CCBE1: variants seen among roughly 807,000 people sequenced by gnomAD.
CCBE1 encodes the protein collagen and calcium-binding EGF domain-containing protein 1.
Under a neutral mutation model 50.0 loss-of-function variants are expected in CCBE1, and 37 were observed. That is an observed-to-expected ratio of 0.74 (90% confidence interval 0.57 to 0.97). The LOEUF (loss-of-function observed/expected upper bound fraction) is 0.97, where lower values mean the gene tolerates loss of function less well. CCBE1 is among the 50% of genes least tolerant of loss of function. CCBE1 has a pLI of 0.00. For synonymous variants in CCBE1, 234 were observed against 203.7 expected (o/e 1.15, Z -1.27); for missense variants, 538 against 523.8 (o/e 1.03, Z -0.26).
At chr18:59,446,925 C>T (rs1350045682) in intron 7 of CCBE1, among the ~76,000 whole-genome samples, 2 of 152,206 alleles carry the variant, frequency 1.3e-5, no homozygotes, top group African/African-American at 4.8e-5. Context: ...AGGGATAAGG[C>T]ACTCAAAGGT....
chr18:59,677,027 A>G (rs1359844188), intron 2 of CCBE1, among the ~76,000 whole-genome samples: 16 of 152,166 alleles, frequency 1.1e-4, no homozygotes. Context: ...GGTAAGGAAT[A>G]TGGATTTTGT....
At chr18:59,656,717 G>A (rs1315696167) in intron 2 of CCBE1, among the ~76,000 whole-genome samples, 2 of 152,188 alleles carry the variant, frequency 1.3e-5, no homozygotes, top group Non-Finnish European at 2.9e-5. Context: ...GTAAACACAA[G>A]ACTTATTTTG....
chr18:59,496,484 T>C lies in CCBE1; in HGVS notation c.213-16246A>G, dbSNP rs117784904. Among the ~76,000 whole-genome samples, 480 of 152,234 alleles carry C rather than the reference T, an allele frequency of 3.2e-3. 5 individuals carry two copies. The highest frequency in any genetic ancestry group is 0.024 in the East Asian group (124 of 5,186). ...CTGTCTCCTTTGCTGTATTACAGGG[T>C]ATAGAAGGAATTAGGGATTGACAGG... On this transcript the variant is annotated intron_variant, in intron 2 of 10. Coordinates refer to ENST00000439986, the MANE Select transcript of CCBE1 (RefSeq NM_133459.4).
intron 2 of CCBE1, among the ~76,000 whole-genome samples, chr18:59,559,878 C>T (rs1045916152): frequency 1.3e-5 from 2 of 152,212 alleles, no homozygotes; most frequent in East Asian, 1.9e-4. Flanking sequence ...GGCAGCTGTA[C>T]TCTCTGTCAT....
chr18:59,627,059 A>C (rs1217898934), intron 2 of CCBE1, among the ~76,000 whole-genome samples: 1 of 152,146 alleles, frequency 6.6e-6, no homozygotes, highest in Non-Finnish European at 1.5e-5. Flanking sequence ...TTTCCTTATC[A>C]CTACTCTTTT....
chr18:59,603,515 G>A (rs916858179), intron 2 of CCBE1, among the ~76,000 whole-genome samples: 1 of 152,056 alleles, frequency 6.6e-6, no homozygotes, highest in Admixed American at 6.5e-5. Context: ...ATACCTCCCT[G>A]CTTCAAGACC....
At chr18:59,467,446 G>C (rs1911805061) in intron 4 of CCBE1, among the ~76,000 whole-genome samples, 1 of 152,116 alleles carries the variant, frequency 6.6e-6, no homozygotes, top group Non-Finnish European at 1.5e-5. Flanking sequence ...TCTAATAAAA[G>C]AAAATAGTCA....
intron 2 of CCBE1, among the ~76,000 whole-genome samples, chr18:59,688,836 T>A (rs1037878976): frequency 5.9e-5 from 9 of 152,150 alleles, no homozygotes; most frequent in Non-Finnish European, 1.3e-4. Context: ...AATAAGGTGA[T>A]ACACAGGTAA....
At chr18:59,692,943 T>G (rs950010891) in intron 2 of CCBE1, among the ~76,000 whole-genome samples, 1 of 139,066 alleles carries the variant, frequency 7.2e-6, no homozygotes, top group African/African-American at 2.7e-5. Flanking sequence ...AAGAACCACT[T>G]TGTCAAGCCA....
intron 6 of CCBE1, among the ~76,000 whole-genome samples, chr18:59,451,512 A>G (rs1047928873): frequency 6.6e-6 from 1 of 151,896 alleles, no homozygotes; most frequent in African/African-American, 2.4e-5. Context: ...GACCCATCTA[A>G]AAGTTAAATG....
chr18:59,489,722 T>C (rs1031948213), intron 2 of CCBE1, among the ~76,000 whole-genome samples: 5 of 151,938 alleles, frequency 3.3e-5, no homozygotes, highest in African/African-American at 9.7e-5. Context: ...CCTGATTAAC[T>C]TTCTCTTGGC....
At chr18:59,646,120 C>A (rs1378162164) in intron 2 of CCBE1, among the ~76,000 whole-genome samples, 1 of 152,158 alleles carries the variant, frequency 6.6e-6, no homozygotes, top group Admixed American at 6.5e-5. Context: ...GGGGTCTACC[C>A]TCCCCTACTT....
chr18:59,632,921 C>G (rs1020697109), intron 2 of CCBE1, among the ~76,000 whole-genome samples: 15 of 152,124 alleles, frequency 9.9e-5, no homozygotes, highest in African/African-American at 3.6e-4. Flanking sequence ...GAACAATCTT[C>G]TAAAGCAGAA....
chr18:59,602,582 T>C (rs753929613), intron 2 of CCBE1, among the ~76,000 whole-genome samples: 1 of 152,184 alleles, frequency 6.6e-6, no homozygotes, highest in Non-Finnish European at 1.5e-5. Context: ...AGGGTATATA[T>C]ATGTATGTAA....
Position 59,697,241 on chromosome 18 carries a change from G to A in CCBE1, c.102C>T (p.Thr34=), listed in dbSNP as rs1420044061. Residue 34 remains threonine (T), a synonymous_variant, in exon 1 of 11, where the codon ACC becomes ACT. Coordinates refer to ENST00000439986, the MANE Select transcript of CCBE1 (RefSeq NM_133459.4). ...CGCCGTCCTCCGGCTCCTCTCTGTA[G>A]GTCCACGTGTGTCCCAACGCCAGGA... ...LLLLALGHTW[T]YREEPEDGDR... is the part of the protein sequence containing the mutation. The A allele has an allele frequency of 1.3e-6, 2 of 1,549,228 alleles. No homozygotes were observed. The highest frequency in any genetic ancestry group is 2.0e-5 in the Admixed American group (1 of 51,002).
rs1248096634 is a variant in CCBE1 at position 59,435,041 on chromosome 18, A to G, written c.*867T>C. 6.6e-6 allele frequency: 1 copy of G among 152,222 alleles called. No homozygotes were observed. The highest frequency in any genetic ancestry group is 2.4e-5 in the African/African-American group (1 of 41,438). The allele number at this position is 152,222 out of a possible 1,614,324, so 9.4% of individuals were successfully genotyped here. ...AGCTCAGCCAGTTTATTGAACAAAT[A>G]ATCTATATTTATAGAGCAGACTCCA... On this transcript the variant is annotated 3_prime_UTR_variant, in exon 11 of 11. Transcript: ENST00000439986.
At chr18:59,619,486 A>C (rs2053683905) in intron 2 of CCBE1, among the ~76,000 whole-genome samples, 1 of 152,234 alleles carries the variant, frequency 6.6e-6, no homozygotes, top group African/African-American at 2.4e-5. Context: ...TGGCCAGCAG[A>C]AAGCAAGTTG....
chr18:59,621,495 T>C (rs918159909), intron 2 of CCBE1, among the ~76,000 whole-genome samples: 2 of 152,222 alleles, frequency 1.3e-5, no homozygotes, highest in African/African-American at 4.8e-5. Context: ...GCAGCAGACA[T>C]GTGGATAAAT....
At chr18:59,669,929 T>C (rs1429776536) in intron 2 of CCBE1, among the ~76,000 whole-genome samples, 5 of 152,148 alleles carry the variant, frequency 3.3e-5, no homozygotes, top group Admixed American at 3.3e-4. Context: ...CTCAAAAAAA[T>C]TGCATCCATG....
Sources: gnomAD v4.1 joint callset for allele counts (sites outside exome capture counted in the v4.1 genomes callset) on GRCh38, gnomAD v4.1.1 for gene constraint, MANE v1.5 for transcripts, NCBI Gene and HGNC (gene_info 2026-07-23, HGNC 2026-07-21) for gene names.